Variants in PCSK5 observed in about 807,000 individuals in gnomAD.
The protein encoded by PCSK5 is proprotein convertase subtilisin/kexin type 5, also known as prohormone convertase 5.
PCSK5 carries 129 observed loss-of-function variants against 233.2 expected under a neutral mutation model. The observed-to-expected ratio is 0.55, with a 90% CI of 0.48 to 0.64. PCSK5 has a LOEUF of 0.64. Ranked by LOEUF, PCSK5 falls within the 30% of genes least tolerant of loss-of-function variation. The pLI, the probability that PCSK5 is intolerant of heterozygous loss-of-function variation, is 0.00. For synonymous variants in PCSK5, 825 were observed against 879.2 expected (o/e 0.94, Z 1.09); for missense variants, 2,076 against 2,430.1 (o/e 0.85, Z 3.06).
chr9:76,092,119 G>A (rs1831315510), intron 7 of PCSK5, among the ~76,000 whole-genome samples: 2 of 152,066 alleles, frequency 1.3e-5, no homozygotes, highest in African/African-American at 4.8e-5. Flanking sequence ...GGATTTCAGG[G>A]GACTTGGGGG....
At chr9:76,248,107 T>G (rs1282600697) in intron 24 of PCSK5, among the ~76,000 whole-genome samples, 1 of 152,126 alleles carries the variant, frequency 6.6e-6, no homozygotes, top group Non-Finnish European at 1.5e-5. Flanking sequence ...AAAAAATTTT[T>G]TTTTAAGAGA....
chr9:76,043,848 A>G (rs1407471401), intron 5 of PCSK5, among the ~76,000 whole-genome samples: 1 of 152,168 alleles, frequency 6.6e-6, no homozygotes, highest in African/African-American at 2.4e-5. Context: ...CTTGAATTAC[A>G]GGTGTGAGCC....
intron 14 of PCSK5, among the ~76,000 whole-genome samples, chr9:76,177,312 G>GA (rs940894298): frequency 1.3e-5 from 2 of 151,468 alleles, no homozygotes; most frequent in African/African-American, 2.4e-5. Flanking sequence ...GAAAAGAAAA[G>GA]AAAAAAAAGA....
intron 10 of PCSK5, among the ~76,000 whole-genome samples, chr9:76,145,659 G>T (rs988141329): frequency 6.6e-5 from 10 of 152,292 alleles, no homozygotes; most frequent in Middle Eastern, 6.8e-3. Context: ...CAGGGACAGA[G>T]GGCTCTAACT....
At chr9:76,197,995 G>T (rs11144791) in intron 20 of PCSK5, among the ~76,000 whole-genome samples, 3,621 of 152,300 alleles carry the variant, frequency 0.024, 140 homozygotes, top group East Asian at 0.18. Context: ...TAGAAATGGG[G>T]CTAATCTGTA....
intron 35 of PCSK5, among the ~76,000 whole-genome samples, chr9:76,350,330 C>T (rs1210431240): frequency 6.6e-6 from 1 of 152,090 alleles, no homozygotes; most frequent in Non-Finnish European, 1.5e-5. Flanking sequence ...AAATGTATCA[C>T]CATCATCACC....
At chr9:76,035,905 A>G (rs1828842540) in intron 5 of PCSK5, among the ~76,000 whole-genome samples, 1 of 152,156 alleles carries the variant, frequency 6.6e-6, no homozygotes, top group African/African-American at 2.4e-5. Flanking sequence ...AAGACATCCA[A>G]GAACTTTCAA....
chr9:76,025,902 A>T (rs916231516), intron 4 of PCSK5, among the ~76,000 whole-genome samples: 4 of 152,182 alleles, frequency 2.6e-5, no homozygotes, highest in East Asian at 3.9e-4. Flanking sequence ...AATAGCTCTA[A>T]CTGAATTTTT....
chr9:76,257,759 G>A (rs138023674), intron 24 of PCSK5, among the ~76,000 whole-genome samples: 1 of 152,278 alleles, frequency 6.6e-6, no homozygotes, highest in African/African-American at 2.4e-5. Flanking sequence ...TTGAAGCAGT[G>A]GAAGGCAAGG....
intron 5 of PCSK5, among the ~76,000 whole-genome samples, chr9:76,047,541 T>C (rs1042405897): frequency 1.3e-5 from 2 of 152,118 alleles, no homozygotes; most frequent in Non-Finnish European, 2.9e-5. Flanking sequence ...GAATATACAT[T>C]AGAGGTCAAG....
intron 9 of PCSK5, among the ~76,000 whole-genome samples, chr9:76,125,868 C>T (rs1832829389): frequency 6.6e-6 from 1 of 152,094 alleles, no homozygotes; most frequent in Non-Finnish European, 1.5e-5. Flanking sequence ...TATCCACATT[C>T]CAAATAAAAG....
At position 76,064,928 on chromosome 9, in the gene PCSK5, C is replaced by T. The variant is rs1279387958; in HGVS notation, c.633-3027C>T. 3.9e-5 allele frequency among the ~76,000 whole-genome samples: 6 copies of T among 152,358 alleles called. No individual in the cohort carries two copies. The East Asian group carries it at 7.7e-4, about 20-fold the overall frequency. ...CTTTGAACTCCTGGGCTCAAGTAAT[C>T]CTCCTGACTTGGCCTCCCAAAGTGT... On this transcript the variant is annotated intron_variant, in intron 5 of 37. Transcript: ENST00000674117.
At chr9:76,299,888 T>G (rs1828552992) in intron 27 of PCSK5, among the ~76,000 whole-genome samples, 1 of 152,204 alleles carries the variant, frequency 6.6e-6, no homozygotes, top group African/African-American at 2.4e-5. Flanking sequence ...ATTTGGATTT[T>G]CTTAAGTGGT....
At chr9:76,166,367 A>T (rs1334044849) in intron 12 of PCSK5, among the ~76,000 whole-genome samples, 1 of 151,842 alleles carries the variant, frequency 6.6e-6, no homozygotes, top group African/African-American at 2.4e-5. Context: ...TGATTTGTGG[A>T]TATTTCTTCT....
intron 1 of PCSK5, among the ~76,000 whole-genome samples, chr9:75,892,107 T>C (rs1825636196): frequency 6.6e-6 from 1 of 152,108 alleles, no homozygotes; most frequent in Non-Finnish European, 1.5e-5. Context: ...CGAGGAGTCT[T>C]ACCCCGGGAC....
chr9:76,321,025 A>C (rs2001865), intron 30 of PCSK5, among the ~76,000 whole-genome samples: 29,538 of 151,372 alleles, frequency 0.2, 3,062 homozygotes, highest in African/African-American at 0.25. Context: ...CATGTTGGCC[A>C]GAATGGTCTC....
At chr9:75,963,092 A>G (rs1264716411) in intron 2 of PCSK5, among the ~76,000 whole-genome samples, 3 of 152,228 alleles carry the variant, frequency 2.0e-5, no homozygotes, top group Admixed American at 2.0e-4. Context: ...TCTTATTAGC[A>G]TAATTTTTTA....
chr9:76,145,797 A>G lies in PCSK5; in HGVS notation c.1313-11248A>G, dbSNP rs529358238. The stretch of plus-strand genomic sequence containing the variant: ...CATCTTTTCCAAATTTAATTTTACT[A>G]AAGATGGCTTAGCCTATCCTATTTT... On this transcript the variant is annotated intron_variant, in intron 10 of 37. Transcript: ENST00000674117. 1.1e-4 allele frequency among the ~76,000 whole-genome samples: 16 copies of G among 152,320 alleles called. No homozygotes were observed. The South Asian group carries it at 3.1e-3, about 30-fold the overall frequency.
At chr9:76,278,819 GAAAC>G (rs1276543341) in intron 24 of PCSK5, among the ~76,000 whole-genome samples, 1 of 152,030 alleles carries the variant, frequency 6.6e-6, no homozygotes, top group Non-Finnish European at 1.5e-5. Flanking sequence ...ATACTCTTGA[GAAAC>G]AAAATTTCAA....
Sources: gnomAD v4.1 joint callset for allele counts (sites outside exome capture counted in the v4.1 genomes callset) on GRCh38, gnomAD v4.1.1 for gene constraint, MANE v1.5 for transcripts, NCBI Gene and HGNC (gene_info 2026-07-23, HGNC 2026-07-21) for gene names.